Variants in ZNF385D observed in about 807,000 individuals in gnomAD.
The protein encoded by ZNF385D is zinc finger protein 385D, also known as zinc finger protein 659.
Under a neutral mutation model 35.8 loss-of-function variants are expected in ZNF385D, and 15 were observed. The observed-to-expected ratio is 0.42, with a 90% CI of 0.28 to 0.64. The LOEUF is 0.64. Ranked by LOEUF, ZNF385D falls within the 30% of genes least tolerant of loss-of-function variation. The pLI, the probability that ZNF385D is intolerant of heterozygous loss-of-function variation, is 0.23. For missense variants in ZNF385D, 474 were observed against 494.6 expected (o/e 0.96, Z 0.39); for synonymous variants, 212 against 186.8 (o/e 1.13, Z -1.10).
chr3:22,368,791 G>C (rs1043624374), intron 2 of ZNF385D, among the ~76,000 whole-genome samples: 1 of 152,138 alleles, frequency 6.6e-6, no homozygotes, highest in Non-Finnish European at 1.5e-5. Context: ...TTAAGGGCTA[G>C]GGCTCCACAA....
chr3:22,091,876 G>T (rs776293301), intron 3 of ZNF385D, among the ~76,000 whole-genome samples: 25 of 152,048 alleles, frequency 1.6e-4, no homozygotes, highest in Non-Finnish European at 2.4e-4. Context: ...TTTACAACTT[G>T]GTCTTTATTT....
intron 2 of ZNF385D, among the ~76,000 whole-genome samples, chr3:21,633,316 T>C (rs1313111093): frequency 6.6e-6 from 1 of 152,024 alleles, no homozygotes; most frequent in Non-Finnish European, 1.5e-5. Flanking sequence ...ATTGTGTATG[T>C]CAAAATGATG....
chr3:21,758,790 T>C (rs184609044), intron 3 of ZNF385D, among the ~76,000 whole-genome samples: 1 of 151,988 alleles, frequency 6.6e-6, no homozygotes, highest in Admixed American at 6.5e-5. Context: ...GAAAGTTGTG[T>C]ATATTTTCAC....
chr3:21,680,732 C>T (rs1313142450), intron 1 of ZNF385D, among the ~76,000 whole-genome samples: 2 of 152,166 alleles, frequency 1.3e-5, no homozygotes, highest in Non-Finnish European at 2.9e-5. Flanking sequence ...GGCATATTGG[C>T]ACTGGGGAAA....
chr3:21,462,003 T>A (rs750040245), intron 4 of ZNF385D, among the ~76,000 whole-genome samples: 2 of 152,228 alleles, frequency 1.3e-5, no homozygotes, highest in Non-Finnish European at 2.9e-5. Context: ...AATAGTTGCC[T>A]AATAAAAATT....
chr3:22,034,431 G>C (rs953820531), intron 3 of ZNF385D, among the ~76,000 whole-genome samples: 3 of 152,010 alleles, frequency 2.0e-5, no homozygotes, highest in Non-Finnish European at 4.4e-5. Flanking sequence ...ATGCCACCAA[G>C]TCTTAGTCTT....
At chr3:21,633,926 T>TGGCTG (rs2065351221) in intron 2 of ZNF385D, among the ~76,000 whole-genome samples, 1 of 152,066 alleles carries the variant, frequency 6.6e-6, no homozygotes, top group Non-Finnish European at 1.5e-5. Flanking sequence ...CTGGGTACAG[T>TGGCTG]GGCTCACATC....
intron 3 of ZNF385D, among the ~76,000 whole-genome samples, chr3:21,912,948 T>A (rs1301207261): frequency 6.6e-6 from 1 of 152,094 alleles, no homozygotes; most frequent in Non-Finnish European, 1.5e-5. Flanking sequence ...ACAATCTTAC[T>A]GTGGTTTAAG....
intron 2 of ZNF385D, among the ~76,000 whole-genome samples, chr3:22,264,082 G>T (rs1199753692): frequency 2.0e-5 from 3 of 151,926 alleles, no homozygotes; most frequent in Non-Finnish European, 4.4e-5. Flanking sequence ...AGTGAGGAAG[G>T]TAGGAAGAAG....
In ZNF385D at chr3:21,421,351, C is replaced by G. The variant is rs771477419; in HGVS notation, c.1051G>C (p.Val351Leu). 1.2e-6 allele frequency: 2 copies of G among 1,613,690 alleles called. No homozygotes were observed. The highest frequency in any genetic ancestry group is 1.7e-6 in the Non-Finnish European group (2 of 1,179,782). Residue 351 changes from valine (V) to leucine (L), a missense_variant, in exon 8 of 8, where the codon GTG becomes CTG. Transcript: ENST00000281523. ...AAAAAAAAVA[V>L]SSPFSLRTAP... ...GTTCGAAGACTGAAGGGGGAACTCACTGCCACTGCTGCTGCGGCTGCTGCA... is the reference window on the plus strand; with the variant it reads ...GTTCGAAGACTGAAGGGGGAACTCAGTGCCACTGCTGCTGCGGCTGCTGCA...
chr3:21,604,256 C>G (rs374941515), intron 2 of ZNF385D, among the ~76,000 whole-genome samples: 6 of 151,432 alleles, frequency 4.0e-5, no homozygotes, highest in African/African-American at 1.5e-4. Context: ...AGAGTCTGCT[C>G]TGTGTGTAGA....
At chr3:21,660,556 A>G (rs1174093550) in intron 2 of ZNF385D, among the ~76,000 whole-genome samples, 5 of 152,202 alleles carry the variant, frequency 3.3e-5, no homozygotes, top group Admixed American at 3.3e-4. Flanking sequence ...TATTATTGTC[A>G]CAACTGTGAG....
intron 3 of ZNF385D, among the ~76,000 whole-genome samples, chr3:22,129,870 C>G (rs1442478139): frequency 6.6e-6 from 1 of 152,042 alleles, no homozygotes; most frequent in East Asian, 1.9e-4. Context: ...CTCTCTTTTC[C>G]TCAAACAGAA....
chr3:21,749,293 T>C (rs1162976159), intron 1 of ZNF385D, among the ~76,000 whole-genome samples: 2 of 152,208 alleles, frequency 1.3e-5, no homozygotes, highest in African/African-American at 4.8e-5. Context: ...ATTTCTCCAA[T>C]AGTCACACGA....
intron 2 of ZNF385D, among the ~76,000 whole-genome samples, chr3:22,345,297 T>C (rs1229303002): frequency 6.6e-6 from 1 of 152,214 alleles, no homozygotes; most frequent in Non-Finnish European, 1.5e-5. Flanking sequence ...AACTCTTCAG[T>C]CTATTTTACC....
chr3:21,768,764 A>T (rs1345935260), intron 3 of ZNF385D, among the ~76,000 whole-genome samples: 1 of 151,906 alleles, frequency 6.6e-6, no homozygotes, highest in Non-Finnish European at 1.5e-5. Flanking sequence ...ATTGTTACGA[A>T]CCCACCGTCC....
chr3:22,180,914 C>CTTTTTTTTTTTTTTTTTTTTTT lies in ZNF385D; in HGVS notation c.107-11880_107-11879insAAAAAAAAAAAAAAAAAAAAAA, dbSNP rs61668943. Among the ~76,000 whole-genome samples, 62 of 112,946 alleles carry CTTTTTTTTTTTTTTTTTTTTTT rather than the reference C, an allele frequency of 5.5e-4. 8 individuals carry two copies. The highest frequency in any genetic ancestry group is 2.1e-3 in the African/African-American group (50 of 23,796). 74.1% of individuals were successfully genotyped at this position (112,946 alleles called of 152,430 possible). ...AATCCAGTAGCTATATGCTTTTGTTCTTTTTTTTTTTTTTTTAAGAGACAG... is the reference window on the plus strand; with the variant it reads ...AATCCAGTAGCTATATGCTTTTGTTCTTTTTTTTTTTTTTTTTTTTTTTTTTTTTTTTTTTTTTAAGAGACAG... On this transcript the variant is annotated intron_variant, in intron 2 of 5. Transcript: ENST00000494108.
At chr3:21,981,300 G>A (rs988518139) in intron 3 of ZNF385D, among the ~76,000 whole-genome samples, 3 of 152,090 alleles carry the variant, frequency 2.0e-5, no homozygotes, top group Admixed American at 6.6e-5. Flanking sequence ...GTTTTGATTT[G>A]CATTTCTCTA....
chr3:22,165,664 A>C (rs571204931), intron 3 of ZNF385D, among the ~76,000 whole-genome samples: 6 of 152,186 alleles, frequency 3.9e-5, no homozygotes, highest in Non-Finnish European at 8.8e-5. Flanking sequence ...ATGCTTAAGA[A>C]GTTGATTAAA....
Sources: gnomAD v4.1 joint callset for allele counts (sites outside exome capture counted in the v4.1 genomes callset) on GRCh38, gnomAD v4.1.1 for gene constraint, MANE v1.5 for transcripts, NCBI Gene and HGNC (gene_info 2026-07-23, HGNC 2026-07-21) for gene names.